The following TMPRSS15 variants were observed in gnomAD, a reference collection of about 807,000 sequenced individuals.
TMPRSS15 encodes the protein transmembrane serine protease 15.
In TMPRSS15, 128 loss-of-function variants were observed where a neutral mutation model predicts 125.3. The ratio of observed to expected loss-of-function variants is 1.02; its 90% CI spans 0.89 to 1.18. The LOEUF is 1.18. TMPRSS15 is among the 50% of genes most tolerant of loss of function. The pLI, the probability that TMPRSS15 is intolerant of heterozygous loss-of-function variation, is 0.00. For synonymous variants in TMPRSS15, 446 were observed against 423.2 expected, an observed-to-expected ratio of 1.05 and a Z score of -0.66; for missense variants, 1,283 against 1,212.7, an observed-to-expected ratio of 1.06 and a Z score of -0.86.
chr21:18,406,593 G>A (rs2076152478), upstream of TMPRSS15, among the ~76,000 whole-genome samples: 1 of 152,108 alleles, frequency 6.6e-6, no homozygotes, highest in Non-Finnish European at 1.5e-5. Flanking sequence ...AATGTTAGTA[G>A]TAGTTATGGA....
At chr21:18,345,948 A>G (rs2075504433) in intron 10 of TMPRSS15, among the ~76,000 whole-genome samples, 1 of 151,688 alleles carries the variant, frequency 6.6e-6, no homozygotes, top group Non-Finnish European at 1.5e-5. Flanking sequence ...ATATATTTGG[A>G]GTTTTCAGTA....
chr21:18,308,854 T>C (rs2075065073), intron 18 of TMPRSS15, among the ~76,000 whole-genome samples: 1 of 152,210 alleles, frequency 6.6e-6, no homozygotes, highest in African/African-American at 2.4e-5. Context: ...TGGTTTTCTG[T>C]TCCTGTGTTA....
chr21:18,362,293 G>C lies in TMPRSS15; in HGVS notation c.774-2430C>G, dbSNP rs553064830. ...TAGACAGAGATGGAAGAAAGAGGCA[G>C]ACTTGAGAGATGATTTCTTAACTAA... On this transcript the variant is annotated intron_variant, in intron 7 of 24. Transcript: ENST00000284885. 6.6e-5 allele frequency among the ~76,000 whole-genome samples: 10 copies of C among 152,300 alleles called. No homozygotes were observed. The South Asian group carries it at 2.1e-3, about 32-fold the overall frequency.
chr21:18,322,931 G>A (rs1214107089), intron 16 of TMPRSS15, among the ~76,000 whole-genome samples: 6 of 152,080 alleles, frequency 3.9e-5, no homozygotes, highest in Admixed American at 2.6e-4. Flanking sequence ...GAATATTTCG[G>A]TTTCCCAGAT....
In TMPRSS15 at chr21:18,443,587, T is replaced by C. The variant is rs571370141; in HGVS notation, c.10+42212A>G. ...GGGAACCTCTACAAGCCTTGTGCCC[T>C]GGAGCAGACCAGCACTGGTGCCATA... On this transcript the variant is annotated intron_variant, in intron 1 of 7. Coordinates refer to the TMPRSS15 transcript ENST00000422787. Among the ~76,000 whole-genome samples the C allele has an allele frequency of 1.2e-4, 18 of 152,346 alleles. No homozygotes were observed. In the South Asian group the frequency reaches 3.5e-3, roughly 30 times the overall value.
chr21:18,424,829 A>G (rs75577290), intron 1 of TMPRSS15, among the ~76,000 whole-genome samples: 2,867 of 150,310 alleles, frequency 0.019, 87 homozygotes, highest in African/African-American at 0.065. Context: ...TGTTTTCTTG[A>G]TGTAAATATA....
At position 18,435,855 on chromosome 21, in the gene TMPRSS15, CT is replaced by C. The variant is rs1205055758; in HGVS notation, c.11-37527del. Among the ~76,000 whole-genome samples, 3 of 152,072 alleles carry C rather than the reference CT, an allele frequency of 2.0e-5. No homozygotes were observed. The East Asian group carries it at 5.8e-4, about 29-fold the overall frequency. On this transcript the variant is annotated intron_variant, in intron 1 of 7. Transcript: ENST00000422787. The stretch of plus-strand genomic sequence containing the variant: ...AGATTCGACTTCTTCCTGGTTTAGT[CT>C]TGGGAGAGTGTATGTGTCGAGGAAT...
At chr21:18,359,910 A>G (rs766978300) in intron 7 of TMPRSS15, 47 bp from the exon 8 acceptor site, 9 of 843,450 alleles carry the variant, frequency 1.1e-5, no homozygotes, top group South Asian at 5.4e-5. Context: ...AACAGTTGTC[A>G]TATTTCTTAA....
chr21:18,309,916 C>T (rs980622353), intron 18 of TMPRSS15, among the ~76,000 whole-genome samples: 2 of 152,048 alleles, frequency 1.3e-5, no homozygotes, highest in Non-Finnish European at 2.9e-5. Flanking sequence ...ATAGGAATTT[C>T]GTTCCTGATG....
At chr21:18,480,147 C>G (rs1408082506) in intron 1 of TMPRSS15, among the ~76,000 whole-genome samples, 3 of 151,992 alleles carry the variant, frequency 2.0e-5, no homozygotes, top group African/African-American at 7.2e-5. Flanking sequence ...AACAGAAAAC[C>G]AAACACCACG....
At chr21:18,416,715 G>T (rs895175928) in intron 1 of TMPRSS15, among the ~76,000 whole-genome samples, 11 of 152,080 alleles carry the variant, frequency 7.2e-5, no homozygotes, top group African/African-American at 2.6e-4. Context: ...TCTTGTTTAT[G>T]AGTTTAAATT....
intron 13 of TMPRSS15, 58 bp from the exon 14 acceptor site, chr21:18,332,231 A>G: frequency 7.0e-7 from 1 of 1,432,862 alleles, no homozygotes; most frequent in East Asian, 2.3e-5. Flanking sequence ...CAGAGAGATA[A>G]TACCATATGC....
chr21:18,334,569 CT>C (rs1258728558), intron 13 of TMPRSS15, among the ~76,000 whole-genome samples: 1 of 152,056 alleles, frequency 6.6e-6, no homozygotes, highest in African/African-American at 2.4e-5. Flanking sequence ...AGAAATGTTC[CT>C]TTGCATTACC....
At chr21:18,280,951 A>G (rs1029473643) in intron 22 of TMPRSS15, 89 bp downstream of exon 22, 1 of 1,333,104 alleles carries the variant, frequency 7.5e-7, no homozygotes, top group Non-Finnish European at 1.1e-6. Flanking sequence ...GCTTTTATGA[A>G]TTAATGCATT....
intron 13 of TMPRSS15, among the ~76,000 whole-genome samples, chr21:18,334,254 CAG>C (rs1262487969): frequency 6.6e-6 from 1 of 152,226 alleles, no homozygotes; most frequent in East Asian, 1.9e-4. Flanking sequence ...TACTCTGACT[CAG>C]TGTTGGGATC....
At chr21:18,304,387 G>A (rs1261680381) in intron 18 of TMPRSS15, among the ~76,000 whole-genome samples, 3 of 152,104 alleles carry the variant, frequency 2.0e-5, no homozygotes, top group South Asian at 2.1e-4. Flanking sequence ...AGGATCGTGC[G>A]TGTCTTGACT....
chr21:18,452,677 T>C (rs1361854452), intron 1 of TMPRSS15, among the ~76,000 whole-genome samples: 1 of 152,062 alleles, frequency 6.6e-6, no homozygotes, highest in African/African-American at 2.4e-5. Flanking sequence ...TTCAATACAA[T>C]ATTTTGAACT....
rs1336581675 is a variant in TMPRSS15 at position 18,397,894 on chromosome 21, C to T, written c.329G>A (p.Arg110Lys). The stretch of plus-strand genomic sequence containing the variant: ...CTATACTCACTCAAATTGTAAAACT[C>T]TTGAGTTCTTATATTCATTCTTCAG... ...SNLKNEYKNS[R>K]VLQFENGSII... The change falls in exon 3 of 25, where the codon AGA becomes AAA. Residue 110 changes from arginine to lysine, a missense_variant. By Grantham distance (26) the Arg-to-Lys change is conservative. Transcript: ENST00000284885. 6.5e-7 allele frequency: 1 copy of T among 1,545,498 alleles called. No individual in the cohort carries two copies. The highest frequency in any genetic ancestry group is 2.3e-5 in the East Asian group (1 of 43,934).
At chr21:18,399,446 A>C (rs2076074547) in intron 1 of TMPRSS15, among the ~76,000 whole-genome samples, 1 of 152,148 alleles carries the variant, frequency 6.6e-6, no homozygotes, top group African/African-American at 2.4e-5. Flanking sequence ...TTTCATTTGT[A>C]TTTTAAATAC....
Sources: gnomAD v4.1 joint callset for allele counts (sites outside exome capture counted in the v4.1 genomes callset) on GRCh38, gnomAD v4.1.1 for gene constraint, MANE v1.5 for transcripts, NCBI Gene and HGNC (gene_info 2026-07-23, HGNC 2026-07-21) for gene names.